Variants in MED16 observed in about 807,000 individuals in gnomAD.
MED16 encodes mediator complex subunit 16.
A neutral mutation model predicts 84.4 loss-of-function variants in MED16; 81 were observed. The ratio of observed to expected loss-of-function variants is 0.96; its 90% CI spans 0.80 to 1.15. The LOEUF is 1.15. MED16 is among the 50% of genes most tolerant of loss of function. MED16 has a pLI of 0.00. For synonymous variants in MED16, 897 were observed against 552.2 expected (o/e 1.62, Z -8.76); for missense variants, 1,585 against 1,245.9 (o/e 1.27, Z -4.10).
intron 8 of MED16, among the ~76,000 whole-genome samples, chr19:878,536 C>T (rs2036323906): frequency 7.0e-6 from 1 of 142,878 alleles, no homozygotes; most frequent in Admixed American, 7.0e-5. Context: ...CTCACCTTCC[C>T]GTGGTTGTCA....
chr19:871,355 G>C (rs1341551124), intron 12 of MED16, 102 bp from the exon 13 acceptor site: 12 of 1,372,236 alleles, frequency 8.7e-6, no homozygotes, highest in Non-Finnish European at 1.2e-5. Context: ...CACCAGGTCA[G>C]GGCCCCAGCT....
At chr19:892,853 A>C (rs1599350171) in intron 1 of MED16, 3 of 107,778 alleles carry the variant, frequency 2.8e-5, no homozygotes, top group Admixed American at 9.4e-5. Flanking sequence ...GGCCTCCCCC[A>C]GGTTTCCGCC....
chr19:892,922 G>T (rs1401885475), intron 1 of MED16, 164 bp downstream of exon 1: 8 of 70,420 alleles, frequency 1.1e-4, no homozygotes, highest in Admixed American at 1.0e-3. Context: ...CCCGCGCCCC[G>T]CGCCCCGCGC....
chr19:871,298 A>C, intron 12 of MED16, 45 bp from the exon 13 acceptor site: 1 of 1,499,774 alleles, frequency 6.7e-7, no homozygotes, highest in Non-Finnish European at 9.0e-7. Context: ...TGACTGGGGC[A>C]CCGCCCGGCC....
rs1009537192 is a variant in MED16 at position 876,897 on chromosome 19, G to C, written c.1560+77C>G. On this transcript the variant is annotated intron_variant, in intron 9 of 15. Transcript: ENST00000325464. ...CCACGGGGCCCCCACCTGCCACGGG[G>C]CCCCACCTGCCACGGGGCCCCCACC... The C allele has an allele frequency of 5.3e-5, 72 of 1,358,386 alleles. 2 individuals are homozygous for C. The Admixed American group carries it at 7.3e-4, about 14-fold the overall frequency. 84.1% of individuals were successfully genotyped at this position (1,358,386 alleles called of 1,614,324 possible).
intron 13 of MED16, among the ~76,000 whole-genome samples, chr19:870,698 C>T (rs1005125703): frequency 1.2e-4 from 18 of 151,844 alleles, no homozygotes; most frequent in African/African-American, 4.3e-4. Flanking sequence ...GCAGTCATGG[C>T]CATGACTGGA....
At chr19:875,034 C>G (rs905225283) in intron 10 of MED16, among the ~76,000 whole-genome samples, 4 of 152,060 alleles carry the variant, frequency 2.6e-5, no homozygotes, top group Non-Finnish European at 4.4e-5. Flanking sequence ...CGTGGTGGCA[C>G]GTGCCTGTAA....
At chr19:874,454 C>T (rs1030207325) in intron 10 of MED16, among the ~76,000 whole-genome samples, 1 of 152,180 alleles carries the variant, frequency 6.6e-6, no homozygotes, top group Non-Finnish European at 1.5e-5. Flanking sequence ...CAGTGGCTCA[C>T]GCCTGTAATC....
chr19:873,203 G>C, intron 11 of MED16: 3 of 555,980 alleles, frequency 5.4e-6, no homozygotes, highest in Non-Finnish European at 9.0e-6. Context: ...GGAAGTGGGG[G>C]TTTAAGAAGA....
intron 8 of MED16, among the ~76,000 whole-genome samples, chr19:879,620 G>GC (rs2036365595): frequency 8.5e-5 from 1 of 11,702 alleles, no homozygotes; most frequent in Admixed American, 1.1e-3. Flanking sequence ...TGCCCCCCAA[G>GC]CCCAGCCCCA....
chr19:887,089 A>G (rs1599342858), intron 4 of MED16, among the ~76,000 whole-genome samples: 1 of 151,814 alleles, frequency 6.6e-6, no homozygotes, highest in African/African-American at 2.4e-5. Context: ...CAAAAACAAA[A>G]AAAAAAAGAA....
rs183980682 is a variant in MED16, at chr19:874,079, G to A, written c.1772-497C>T. Among the ~76,000 whole-genome samples the A allele has an allele frequency of 5.3e-5, 8 of 152,284 alleles. No individual in the cohort carries two copies. The East Asian group carries it at 1.4e-3, about 26-fold the overall frequency. ...CTCCCAGCTACCAGGAGTGCCACGT[G>A]TCCACACTCAACCGGGTACTCCAGA... On this transcript the variant is annotated intron_variant, in intron 10 of 15. Transcript: ENST00000325464.
chr19:889,904 G>C, intron 3 of MED16, 97 bp from the exon 4 acceptor site: 5 of 1,426,538 alleles, frequency 3.5e-6, no homozygotes, highest in Non-Finnish European at 4.7e-6. Context: ...GCCCAGTGGA[G>C]AGGTCTCGGC....
Position 868,154 on chromosome 19 carries a change from A to G in MED16, c.2581T>C (p.Ser861Pro), listed in dbSNP as rs372252782. Residue 861 changes from serine (S) to proline (P), a missense_variant, in exon 16 of 16, where the codon TCT becomes CCT. Coordinates refer to ENST00000325464, the MANE Select transcript of MED16 (RefSeq NM_005481.3). ...VQLGPQSTHH[S>P]PRTPRSLDHL... ...TCCAGGGATCTGGGGGTCCTGGGAG[A>G]GTGGTGTGTGGACTGCGGGCCCAGC... is the stretch of plus-strand genomic sequence containing the variant. 42 of 1,611,596 alleles carry G rather than the reference A, an allele frequency of 2.6e-5. No homozygotes were observed. The highest frequency in any genetic ancestry group is 3.5e-5 in the Non-Finnish European group (41 of 1,179,560).
chr19:870,894 G>A lies in MED16; in HGVS notation c.2315+143C>T, dbSNP rs188643262. ...TGTGGATTCGGGGGGTCCCGGGCAG[G>A]ACATGGAGGCGGGGAGCCGTGTGGA... On this transcript the variant is annotated intron_variant, in intron 13 of 15. Transcript: ENST00000325464. 745 of 792,472 alleles carry A rather than the reference G, an allele frequency of 9.4e-4. 8 individuals carry two copies. In the African/African-American group the frequency reaches 0.011, roughly 12 times the overall value. 49.1% of individuals were successfully genotyped at this position (792,472 alleles called of 1,614,324 possible). A position where few individuals can be genotyped will look rare whatever the true frequency, so the allele number is the denominator to read the frequency against.
chr19:870,841 CG>C (rs1353697597), intron 13 of MED16, among the ~76,000 whole-genome samples, 195 bp downstream of exon 13: 1 of 72,068 alleles, frequency 1.4e-5, no homozygotes, highest in Admixed American at 1.8e-4. Flanking sequence ...CGGGGGGTCC[CG>C]GGGCAGGACA....
intron 6 of MED16, 100 bp from the exon 7 acceptor site, chr19:881,814 G>T: frequency 7.1e-7 from 1 of 1,414,572 alleles, no homozygotes; most frequent in Non-Finnish European, 9.7e-7. Context: ...CCTGCCCAGG[G>T]CCCTTCCCAG....
chr19:888,524 CAAAAAAAAA>C (rs34583289), intron 4 of MED16, among the ~76,000 whole-genome samples: 1 of 96,960 alleles, frequency 1.0e-5, no homozygotes, highest in Non-Finnish European at 2.1e-5. Context: ...ACTCTGTCTC[CAAAAAAAAA>C]AAAAAAAAAA....
At chr19:878,583 A>G in intron 8 of MED16, among the ~76,000 whole-genome samples, 1 of 69,846 alleles carries the variant, frequency 1.4e-5, no homozygotes, top group Non-Finnish European at 2.6e-5. Flanking sequence ...CACATGCCCC[A>G]GCAGCTCACC....
Sources: allele counts gnomAD v4.1 joint callset (sites outside exome capture counted in the v4.1 genomes callset), GRCh38; gene constraint gnomAD v4.1.1; transcripts MANE v1.5; gene names NCBI Gene and HGNC (gene_info 2026-07-23, HGNC 2026-07-21).